TXNRD3: variants seen among roughly 807,000 people sequenced by gnomAD.
TXNRD3 encodes thioredoxin reductase 3.
Under a neutral mutation model 78.2 loss-of-function variants are expected in TXNRD3, and 68 were observed. The observed-to-expected ratio is 0.87, with a 90% CI of 0.72 to 1.06. The LOEUF is 1.06. Among genes scored for constraint, TXNRD3 ranks in the 50% least tolerant of loss-of-function variants. The pLI is 0.00. For synonymous variants in TXNRD3, 296 were observed against 300.1 expected, an observed-to-expected ratio of 0.99 and a Z score of 0.14; for missense variants, 751 against 809.5, an observed-to-expected ratio of 0.93 and a Z score of 0.88.
At chr3:126,639,118 T>G (rs554651840) in intron 6 of TXNRD3, among the ~76,000 whole-genome samples, 4 of 152,380 alleles carry the variant, frequency 2.6e-5, no homozygotes, top group Non-Finnish European at 5.9e-5. Context: ...TTCTCCCCTC[T>G]TGGACTCAAT....
chr3:126,638,491 T>C (rs1272468037), intron 6 of TXNRD3, among the ~76,000 whole-genome samples: 1 of 152,162 alleles, frequency 6.6e-6, no homozygotes, highest in African/African-American at 2.4e-5. Context: ...CCCAGCACTT[T>C]GGGAGGCCAA....
chr3:126,638,692 A>C (rs913931050), intron 6 of TXNRD3, among the ~76,000 whole-genome samples: 1 of 152,236 alleles, frequency 6.6e-6, no homozygotes, highest in Admixed American at 6.5e-5. Flanking sequence ...CTGAGACCGC[A>C]CCACTGCACT....
rs562020380 is a variant in TXNRD3, at chr3:126,632,729, T to C, written c.856-850A>G. ...CAAAAAAAGAAAAAAACCATTCACA[T>C]GCTAATATTAATGAAGGTGTTTAAA... On this transcript the variant is annotated intron_variant, in intron 7 of 15. Transcript: ENST00000524230. Among the ~76,000 whole-genome samples, 22 of 149,826 alleles carry C rather than the reference T, an allele frequency of 1.5e-4. 2 individuals are homozygous for C. The South Asian group carries it at 4.3e-3, about 29-fold the overall frequency.
At chr3:126,646,914 G>A (rs1019839275) in intron 2 of TXNRD3, among the ~76,000 whole-genome samples, 2 of 152,184 alleles carry the variant, frequency 1.3e-5, no homozygotes, top group Admixed American at 6.5e-5. Flanking sequence ...AATGGGAGCG[G>A]ATCCTTTTCA....
chr3:126,639,155 T>C (rs1932992951), intron 6 of TXNRD3, among the ~76,000 whole-genome samples: 2 of 152,330 alleles, frequency 1.3e-5, no homozygotes, highest in African/African-American at 4.8e-5. Flanking sequence ...TAGATATTTA[T>C]TTTAAAAAGA....
intron 1 of TXNRD3, among the ~76,000 whole-genome samples, chr3:126,651,801 C>T (rs1933396910): frequency 6.6e-6 from 1 of 152,114 alleles, no homozygotes. Context: ...AAACTGAATC[C>T]CCACTCCTAT....
chr3:126,633,010 T>C (rs914303171), intron 7 of TXNRD3, among the ~76,000 whole-genome samples: 9 of 152,258 alleles, frequency 5.9e-5, no homozygotes, highest in African/African-American at 1.9e-4. Context: ...CTGTGTTTCA[T>C]GTAAATAATA....
chr3:126,627,135 A>T (rs952066537), intron 10 of TXNRD3, among the ~76,000 whole-genome samples: 2 of 152,198 alleles, frequency 1.3e-5, no homozygotes, highest in African/African-American at 4.8e-5. Flanking sequence ...TCTTCACAGC[A>T]GTTTTAATCA....
chr3:126,624,969 C>A, intron 10 of TXNRD3: 1 of 186,608 alleles, frequency 5.4e-6, no homozygotes, highest in Non-Finnish European at 1.2e-5. Context: ...ATTTAATAGG[C>A]ATGTGGAAGA....
At chr3:126,651,324 G>A (rs1933384659) in intron 1 of TXNRD3, among the ~76,000 whole-genome samples, 1 of 152,122 alleles carries the variant, frequency 6.6e-6, no homozygotes, top group Non-Finnish European at 1.5e-5. Flanking sequence ...CTGGAGCAAT[G>A]CTCACCTCCA....
intron 15 of TXNRD3, 125 bp from the exon 16 acceptor site, chr3:126,608,098 T>A: frequency 1.4e-6 from 1 of 714,236 alleles, no homozygotes; most frequent in Non-Finnish European, 2.1e-6. Context: ...TGGTGGCTCA[T>A]GCCTGTAATC....
rs1460812825 is a variant in TXNRD3 at position 126,654,739 on chromosome 3, C to A, written c.243+9G>T. 7.6e-7 allele frequency: 1 copy of A among 1,323,172 alleles called. No homozygotes were observed. Among genetic ancestry groups the A allele is most frequent in the Admixed American group, 3.3e-5 (1 of 30,028 alleles). The allele number at this position is 1,323,172 out of a possible 1,614,324, so 82.0% of individuals were successfully genotyped here. A position where few individuals can be genotyped will look rare whatever the true frequency, so the allele number is the denominator to read the frequency against. On this transcript the variant is annotated intron_variant, in intron 1 of 15. Coordinates refer to ENST00000524230, the MANE Select transcript of TXNRD3 (RefSeq NM_052883.3). Reference sequence around the variant, plus strand: ...CGCGCGCGGTGGAACCGGCGAGGGCCGCGCCTACCCGAGTACTATGGGGAC... The same window carrying A: ...CGCGCGCGGTGGAACCGGCGAGGGCAGCGCCTACCCGAGTACTATGGGGAC...
rs1164651995 is a variant in TXNRD3 at position 126,644,383 on chromosome 3, A to C, written c.433T>G (p.Leu145Val). 3 of 1,536,080 alleles carry C rather than the reference A, an allele frequency of 2.0e-6. No individual in the cohort carries two copies. The Admixed American group carries it at 5.9e-5, about 30-fold the overall frequency. ...AAATCTTCCTGAAGGAGCTTCTGTA[A>C]CAAACCACTCTGATATGCCTATGGT... Residue 145 changes from leucine (L) to valine (V), a missense_variant, in exon 4 of 16, where the codon TTA (leucine) becomes GTA (valine). Coordinates refer to ENST00000524230, the MANE Select transcript of TXNRD3 (RefSeq NM_052883.3).
intron 6 of TXNRD3, among the ~76,000 whole-genome samples, chr3:126,637,795 C>G (rs1197198431): frequency 6.6e-6 from 1 of 151,766 alleles, no homozygotes; most frequent in Non-Finnish European, 1.5e-5. Context: ...TGTTGCTTCC[C>G]TTTCTATTTT....
At chr3:126,637,767 T>C (rs886799742) in intron 6 of TXNRD3, among the ~76,000 whole-genome samples, 5 of 151,982 alleles carry the variant, frequency 3.3e-5, no homozygotes, top group African/African-American at 1.2e-4. Context: ...TTTTTGTTTG[T>C]TTTAACTTGT....
intron 6 of TXNRD3, 144 bp downstream of exon 6, chr3:126,641,888 G>A (rs1576294723): frequency 2.8e-6 from 3 of 1,062,224 alleles, no homozygotes; most frequent in East Asian, 2.8e-5. Context: ...TGCATCCTCT[G>A]TGCCTGGCTG....
intron 2 of TXNRD3, among the ~76,000 whole-genome samples, chr3:126,646,651 C>T (rs1933240193): frequency 6.6e-6 from 1 of 152,134 alleles, no homozygotes. Flanking sequence ...TTAAGACTAC[C>T]TTATTGGTAA....
Position 126,640,406 on chromosome 3 carries a change from C to CAAA in TXNRD3, c.712+1625_712+1626insTTT, listed in dbSNP as rs373664892. Among the ~76,000 whole-genome samples, 38 of 8,460 alleles carry CAAA rather than the reference C, an allele frequency of 4.5e-3. 16 individuals are homozygous for CAAA. The highest frequency in any genetic ancestry group is 0.022 in the Non-Finnish European group (20 of 902). 5.6% of individuals were successfully genotyped at this position (8,460 alleles called of 152,430 possible). On this transcript the variant is annotated intron_variant, in intron 6 of 15. Transcript: ENST00000524230. ...ACAGGCGTGAGCCACCGCGCCCGGC[C>CAAA]GCTGCTTGTGTTTTCTATCTCAGTG...
intron 1 of TXNRD3, among the ~76,000 whole-genome samples, chr3:126,650,974 G>GT (rs1933374208): frequency 6.6e-6 from 1 of 152,134 alleles, no homozygotes; most frequent in South Asian, 2.1e-4. Context: ...GACTATGAGC[G>GT]TATGGGAGGC....
Sources: allele counts gnomAD v4.1 joint callset (sites outside exome capture counted in the v4.1 genomes callset), GRCh38; gene constraint gnomAD v4.1.1; transcripts MANE v1.5; gene names NCBI Gene and HGNC (gene_info 2026-07-23, HGNC 2026-07-21).